SNTG1: variants seen among roughly 807,000 people sequenced by gnomAD.
SNTG1 encodes gamma-1-syntrophin.
SNTG1 carries 39 observed loss-of-function variants against 74.7 expected under a neutral mutation model. The observed-to-expected ratio is 0.52, with a 90% CI of 0.40 to 0.68. The LOEUF is 0.68. Among genes scored for constraint, SNTG1 ranks in the 30% least tolerant of loss-of-function variants. The pLI is 0.00. For missense variants in SNTG1, 685 were observed against 609.5 expected (o/e 1.12, Z -1.30); for synonymous variants, 254 against 217.1 (o/e 1.17, Z -1.49).
intron 11 of SNTG1, among the ~76,000 whole-genome samples, chr8:50,545,244 T>A (rs6473214): frequency 0.14 from 21,368 of 151,520 alleles, 1,883 homozygotes; most frequent in Middle Eastern, 0.27. Flanking sequence ...CATCATGATA[T>A]TTTTATCAGT....
intron 2 of SNTG1, among the ~76,000 whole-genome samples, chr8:50,271,699 C>T (rs1586914103): frequency 6.6e-6 from 1 of 152,234 alleles, no homozygotes; most frequent in East Asian, 1.9e-4. Flanking sequence ...CAGTTGACCT[C>T]CTAAATATTT....
At chr8:50,205,527 G>A (rs543761082) in intron 2 of SNTG1, among the ~76,000 whole-genome samples, 24 of 152,264 alleles carry the variant, frequency 1.6e-4, no homozygotes, top group African/African-American at 5.5e-4. Context: ...TAGGGTGCCT[G>A]TTCACGCTGA....
At chr8:50,223,553 A>C (rs2085174338) in intron 2 of SNTG1, among the ~76,000 whole-genome samples, 1 of 152,164 alleles carries the variant, frequency 6.6e-6, no homozygotes, top group African/African-American at 2.4e-5. Context: ...CATTAGAAAA[A>C]TATGTCCTTA....
chr8:50,685,799 C>A lies in SNTG1; in HGVS notation c.1039-18801C>A, dbSNP rs530794358. ...GATCTCTAGAGAATGGAGGAAGAGTCAGATTTATCTATGTAGTACACAATT... is the reference window on the plus strand; with the variant it reads ...GATCTCTAGAGAATGGAGGAAGAGTAAGATTTATCTATGTAGTACACAATT... On this transcript the variant is annotated intron_variant, in intron 15 of 18. Transcript: ENST00000642720. 7.2e-5 allele frequency among the ~76,000 whole-genome samples: 11 copies of A among 152,264 alleles called. No homozygotes were observed. The South Asian group carries it at 2.1e-3, about 29-fold the overall frequency.
intron 5 of SNTG1, among the ~76,000 whole-genome samples, chr8:50,449,157 A>C (rs1457012646): frequency 1.3e-5 from 2 of 152,250 alleles, no homozygotes; most frequent in Non-Finnish European, 2.9e-5. Context: ...GGAATTCAAT[A>C]CTAAGGAAGG....
intron 1 of SNTG1, among the ~76,000 whole-genome samples, chr8:50,112,705 T>A (rs1012322185): frequency 6.6e-6 from 1 of 151,858 alleles, no homozygotes; most frequent in Non-Finnish European, 1.5e-5. Flanking sequence ...GTATTTTTAG[T>A]AGAGATGGGG....
intron 1 of SNTG1, among the ~76,000 whole-genome samples, chr8:49,975,767 A>G (rs201939459): frequency 3.6e-4 from 53 of 147,004 alleles, no homozygotes; most frequent in Admixed American, 6.9e-4. Context: ...ATATATATAT[A>G]TATGTGTGTG....
chr8:49,953,231 C>T (rs1351348925), intron 1 of SNTG1, among the ~76,000 whole-genome samples: 4 of 152,164 alleles, frequency 2.6e-5, no homozygotes, highest in African/African-American at 9.7e-5. Context: ...AGGGCTCTAA[C>T]AGGAAACAAT....
At chr8:50,122,566 T>G (rs2081032001) in intron 1 of SNTG1, among the ~76,000 whole-genome samples, 1 of 141,958 alleles carries the variant, frequency 7.0e-6, no homozygotes, top group Non-Finnish European at 1.6e-5. Flanking sequence ...GTAGCTCATA[T>G]TTTAGAAAGA....
chr8:50,000,793 G>A (rs184599820), intron 1 of SNTG1, among the ~76,000 whole-genome samples: 3 of 152,268 alleles, frequency 2.0e-5, no homozygotes, highest in South Asian at 4.1e-4. Flanking sequence ...TCTTGCTAGA[G>A]TCCTATAGAT....
chr8:50,121,339 G>T lies in SNTG1; in HGVS notation c.-102-51222G>T, dbSNP rs1369606753. 2.1e-5 allele frequency among the ~76,000 whole-genome samples: 3 copies of T among 141,824 alleles called. 1 individual carries two copies. The Admixed American group carries it at 2.2e-4, about 10-fold the overall frequency. 93.0% of individuals were successfully genotyped at this position (141,824 alleles called of 152,430 possible). A position where few individuals can be genotyped will look rare whatever the true frequency, so the allele number is the denominator to read the frequency against. On this transcript the variant is annotated intron_variant, in intron 1 of 18. Transcript: ENST00000642720. ...CACTTTTAACTAGATGGGCTCAAAG[G>T]CCTCTTGGAGTTCTGGTGTTCCTAC...
intron 11 of SNTG1, among the ~76,000 whole-genome samples, chr8:50,543,445 T>TTGC (rs2094363026): frequency 6.6e-6 from 1 of 151,620 alleles, no homozygotes; most frequent in South Asian, 2.1e-4. Flanking sequence ...TGTTTTGTTG[T>TTGC]TGTTGTTGTT....
chr8:50,501,623 T>C (rs1197521622), intron 8 of SNTG1, among the ~76,000 whole-genome samples: 1 of 150,162 alleles, frequency 6.7e-6, no homozygotes, highest in Non-Finnish European at 1.5e-5. Context: ...TTTTTTTTTT[T>C]TTTTTTGTAT....
chr8:50,510,561 G>A (rs1456370426), intron 9 of SNTG1, among the ~76,000 whole-genome samples: 1 of 151,992 alleles, frequency 6.6e-6, no homozygotes, highest in Non-Finnish European at 1.5e-5. Context: ...TTTTTTGGTT[G>A]GTAAGCTATT....
At chr8:50,730,546 G>C (rs948829222) in intron 17 of SNTG1, among the ~76,000 whole-genome samples, 1 of 152,134 alleles carries the variant, frequency 6.6e-6, no homozygotes, top group Non-Finnish European at 1.5e-5. Context: ...TGGAACAAGA[G>C]GATGTGTTTT....
intron 17 of SNTG1, among the ~76,000 whole-genome samples, chr8:50,729,031 C>G (rs1262893932): frequency 6.6e-6 from 1 of 152,182 alleles, no homozygotes; most frequent in Non-Finnish European, 1.5e-5. Context: ...CTGAGCCTGT[C>G]TATCTGTGAG....
At chr8:49,932,325 C>A (rs117223671) in intron 1 of SNTG1, among the ~76,000 whole-genome samples, 1 of 152,052 alleles carries the variant, frequency 6.6e-6, no homozygotes, top group African/African-American at 2.4e-5. Context: ...TAATGCAATT[C>A]TATTTACTTT....
chr8:50,698,484 G>A (rs1585570992), intron 15 of SNTG1, among the ~76,000 whole-genome samples: 1 of 152,120 alleles, frequency 6.6e-6, no homozygotes, highest in Admixed American at 6.5e-5. Flanking sequence ...TGGGGGAAGG[G>A]GGTGAAGTGA....
At chr8:49,919,711 A>G (rs1806361445) in intron 1 of SNTG1, among the ~76,000 whole-genome samples, 3 of 152,174 alleles carry the variant, frequency 2.0e-5, no homozygotes, top group South Asian at 4.1e-4. Context: ...GGATAAAAAA[A>G]TAGTTATTCC....
Sources: gnomAD v4.1 joint callset for allele counts (sites outside exome capture counted in the v4.1 genomes callset) on GRCh38, gnomAD v4.1.1 for gene constraint, MANE v1.5 for transcripts, NCBI Gene and HGNC (gene_info 2026-07-23, HGNC 2026-07-21) for gene names.